Variants in SAMMSON observed in about 807,000 individuals in gnomAD.
SAMMSON encodes the protein long intergenic non-protein coding RNA 1212.
At chr3:70,405,610 G>A (rs1447362369) in intron 2 of SAMMSON, among the ~76,000 whole-genome samples, 3 of 152,120 alleles carry the variant, frequency 2.0e-5, no homozygotes, top group Admixed American at 6.6e-5. Flanking sequence ...AGAAGTAATC[G>A]ATAAGCTTGA....
At chr3:70,134,033 G>C (rs1419215794) in intron 4 of SAMMSON, among the ~76,000 whole-genome samples, 1 of 150,798 alleles carries the variant, frequency 6.6e-6, no homozygotes, top group Non-Finnish European at 1.5e-5. Context: ...CACGAGGCCA[G>C]GAGTTCGAGA....
intron 4 of SAMMSON, among the ~76,000 whole-genome samples, chr3:70,166,446 G>C (rs2067637631): frequency 6.7e-6 from 1 of 150,168 alleles, no homozygotes; most frequent in African/African-American, 2.5e-5. Flanking sequence ...ATCTCTAGAA[G>C]AGGTGTTCTT....
At chr3:70,074,478 A>G (rs2067241298) in intron 4 of SAMMSON, among the ~76,000 whole-genome samples, 1 of 152,164 alleles carries the variant, frequency 6.6e-6, no homozygotes. Context: ...TGTATTAGAG[A>G]CAAACCCTAT....
intron 4 of SAMMSON, among the ~76,000 whole-genome samples, chr3:70,223,603 A>G (rs1329632990): frequency 6.6e-6 from 1 of 152,148 alleles, no homozygotes; most frequent in Non-Finnish European, 1.5e-5. Context: ...TCCTTCGGGC[A>G]GGTACAATGA....
intron 4 of SAMMSON, among the ~76,000 whole-genome samples, chr3:70,103,872 T>G (rs570674259): frequency 1.3e-5 from 2 of 152,352 alleles, no homozygotes; most frequent in East Asian, 3.9e-4. Flanking sequence ...TAGTTACTAA[T>G]GGAATTTCTA....
rs1701316673 is a variant in SAMMSON at position 70,422,021 on chromosome 3, C to T, written n.234-40539C>T. On this transcript the variant is annotated intron_variant and non_coding_transcript_variant, in intron 2 of 3. Transcript: ENST00000641053. ...ACATGAAGGTGAGAGATAGTGTGAA[C>T]TACTTACGAGGAACCTTGTATTTAC... 3.3e-5 allele frequency among the ~76,000 whole-genome samples: 5 copies of T among 151,978 alleles called. 1 individual carries two copies. In the South Asian group the frequency reaches 1.0e-3, roughly 32 times the overall value.
chr3:70,191,868 C>G (rs868014529), intron 4 of SAMMSON, among the ~76,000 whole-genome samples: 1 of 137,040 alleles, frequency 7.3e-6, no homozygotes, highest in Non-Finnish European at 1.5e-5. Context: ...TACTTAATCT[C>G]TTTAAGACTC....
At chr3:70,392,158 A>G (rs115271838), downstream of SAMMSON, among the ~76,000 whole-genome samples, 465 of 152,310 alleles carry the variant, frequency 3.1e-3, no homozygotes, top group Non-Finnish European at 5.0e-3. Context: ...AAAACCATTT[A>G]AGTAACATAG....
intron 2 of SAMMSON, among the ~76,000 whole-genome samples, chr3:70,395,170 G>T (rs541743026): frequency 4.1e-4 from 62 of 152,108 alleles, no homozygotes; most frequent in African/African-American, 1.4e-3. Context: ...GAGACGCCCT[G>T]GTCCCTGTTG....
At chr3:70,089,206 C>G (rs114073591) in intron 4 of SAMMSON, among the ~76,000 whole-genome samples, 237 of 152,164 alleles carry the variant, frequency 1.6e-3, no homozygotes, top group African/African-American at 5.5e-3. Flanking sequence ...AATGCCCAGA[C>G]AAGAATAGAA....
At chr3:70,420,881 G>A (rs898324607) in intron 2 of SAMMSON, among the ~76,000 whole-genome samples, 1 of 152,044 alleles carries the variant, frequency 6.6e-6, no homozygotes, top group African/African-American at 2.4e-5. Flanking sequence ...AGTGTAGAGT[G>A]GCTCTACAGA....
chr3:70,253,258 G>T (rs1195130420), intron 6 of SAMMSON, among the ~76,000 whole-genome samples: 1 of 152,174 alleles, frequency 6.6e-6, no homozygotes, highest in Non-Finnish European at 1.5e-5. Flanking sequence ...AGAAGTAATA[G>T]AGGGAGCCAT....
intron 4 of SAMMSON, among the ~76,000 whole-genome samples, chr3:70,101,798 A>C (rs915030971): frequency 6.6e-6 from 1 of 152,204 alleles, no homozygotes; most frequent in African/African-American, 2.4e-5. Flanking sequence ...TAAGTGGCTT[A>C]AATAAAGCTG....
At chr3:70,086,786 A>G (rs957402722) in intron 4 of SAMMSON, among the ~76,000 whole-genome samples, 4 of 152,210 alleles carry the variant, frequency 2.6e-5, no homozygotes, top group African/African-American at 9.7e-5. Flanking sequence ...TAGTTCCAAC[A>G]GCAGAGTTAA....
chr3:70,193,856 A>T (rs1355094969), intron 4 of SAMMSON, among the ~76,000 whole-genome samples: 1 of 152,146 alleles, frequency 6.6e-6, no homozygotes, highest in African/African-American at 2.4e-5. Flanking sequence ...CCATCTATAC[A>T]TTTATCCTTG....
chr3:70,432,200 AT>A (rs566186443), intron 2 of SAMMSON, among the ~76,000 whole-genome samples: 250 of 151,316 alleles, frequency 1.7e-3, no homozygotes, highest in Non-Finnish European at 2.4e-3. Context: ...ATTCTCAACA[AT>A]TTTTTTTTAA....
intron 4 of SAMMSON, among the ~76,000 whole-genome samples, chr3:70,111,726 C>A (rs55780003): frequency 0.015 from 2,214 of 152,126 alleles, 57 homozygotes; most frequent in African/African-American, 0.05. Context: ...GTATAAATAA[C>A]AGAACTGGCA....
rs138593056 is a variant in SAMMSON, at chr3:70,057,273, C to T, written n.418-14203C>T. 2.1e-3 allele frequency among the ~76,000 whole-genome samples: 313 copies of T among 152,062 alleles called. 1 individual carries two copies. The highest frequency in any genetic ancestry group is 7.3e-3 in the African/African-American group (304 of 41,542). ...AAATATGCCCTTCTTTTCTATCTTACCCCCTTCCCTCTCTACTTTTGAATG... is the reference window on the plus strand; with the variant it reads ...AAATATGCCCTTCTTTTCTATCTTATCCCCTTCCCTCTCTACTTTTGAATG... On this transcript the variant is annotated intron_variant and non_coding_transcript_variant, in intron 3 of 9. Coordinates refer to ENST00000642114, the Ensembl canonical transcript of SAMMSON.
intron 4 of SAMMSON, among the ~76,000 whole-genome samples, chr3:70,091,594 C>G (rs1304245190): frequency 6.6e-6 from 1 of 152,156 alleles, no homozygotes; most frequent in Non-Finnish European, 1.5e-5. Flanking sequence ...CCTTCCAAAT[C>G]TGTTGATGAG....
Sources: gnomAD v4.1 joint callset for allele counts (sites outside exome capture counted in the v4.1 genomes callset) on GRCh38, gnomAD v4.1.1 for gene constraint, MANE v1.5 for transcripts, NCBI Gene and HGNC (gene_info 2026-07-23, HGNC 2026-07-21) for gene names.